Variants in ZFC3H1 observed in about 807,000 individuals in gnomAD.
ZFC3H1 encodes the protein zinc finger C3H1-type containing.
ZFC3H1 carries 71 observed loss-of-function variants against 243.7 expected under a neutral mutation model. The observed-to-expected ratio is 0.29, with a 90% confidence interval of 0.24 to 0.36. The LOEUF is 0.36. ZFC3H1 is among the 10% of genes least tolerant of loss of function. The pLI is 1.00. For synonymous variants in ZFC3H1, 838 were observed against 813.0 expected (o/e 1.03, Z -0.52); for missense variants, 1,966 against 2,317.1 (o/e 0.85, Z 3.11).
intron 11 of ZFC3H1, 100 bp from the exon 12 acceptor site, chr12:71,634,404 C>A: frequency 2.3e-6 from 3 of 1,309,270 alleles, no homozygotes; most frequent in African/African-American, 1.5e-5. Flanking sequence ...TTAATCACAC[C>A]GACTAATAAT....
chr12:71,632,636 G>A, intron 14 of ZFC3H1, 122 bp from the exon 15 acceptor site: 1 of 1,304,430 alleles, frequency 7.7e-7, no homozygotes, highest in Non-Finnish European at 1.0e-6. Context: ...TCAATATGGA[G>A]AATAAAACAG....
At chr12:71,615,164 G>T in intron 28 of ZFC3H1, 42 bp downstream of exon 28, 1 of 1,442,650 alleles carries the variant, frequency 6.9e-7, no homozygotes, top group Non-Finnish European at 9.6e-7. Context: ...AATAGCAAAT[G>T]CAGGCCTAGT....
chr12:71,626,498 T>C (rs1466623017), intron 21 of ZFC3H1, 52 bp from the exon 22 acceptor site: 2 of 1,484,136 alleles, frequency 1.3e-6, no homozygotes, highest in African/African-American at 2.8e-5. Context: ...TGCTTGAAAA[T>C]TTAAATAGGG....
At chr12:71,649,504 T>C (rs574617204) in intron 2 of ZFC3H1, among the ~76,000 whole-genome samples, 6 of 152,342 alleles carry the variant, frequency 3.9e-5, no homozygotes, top group African/African-American at 1.4e-4. Flanking sequence ...TTTTCATTTA[T>C]TCCTATCTTT....
At chr12:71,646,116 A>T (rs1297102013) in intron 3 of ZFC3H1, among the ~76,000 whole-genome samples, 3 of 152,244 alleles carry the variant, frequency 2.0e-5, no homozygotes, top group African/African-American at 7.2e-5. Context: ...CATAAAGAAA[A>T]CAGTGGATAC....
chr12:71,641,880 T>C (rs1460297463), intron 6 of ZFC3H1, among the ~76,000 whole-genome samples: 1 of 152,190 alleles, frequency 6.6e-6, no homozygotes, highest in Non-Finnish European at 1.5e-5. Context: ...GACAGAATCT[T>C]GCTCTGTCAC....
rs1286801825 is a variant in ZFC3H1 at position 71,610,750 on chromosome 12, C to T, written c.5777G>A (p.Arg1926His). ...IVLKGQREVHRLYQRALQKLP... is the reference protein window; with the variant it reads ...IVLKGQREVHHLYQRALQKLP... The stretch of plus-strand genomic sequence containing the variant: ...CTTCTGTAAGGCTCTCTGATATAAA[C>T]GGTGGACCTGTAAGATAGATATACA... Residue 1926 changes from arginine (R) to histidine (H), a missense_variant, in exon 34 of 35, where the codon CGT becomes CAT. By Grantham distance (29) the Arg-to-His change is conservative. Coordinates refer to ENST00000378743, the MANE Select transcript of ZFC3H1 (RefSeq NM_144982.5). 5.0e-6 allele frequency: 8 copies of T among 1,612,840 alleles called. No individual in the cohort carries two copies. Among genetic ancestry groups the T allele is most frequent in the African/African-American group, 2.7e-5 (2 of 74,854 alleles).
intron 13 of ZFC3H1, 115 bp from the exon 14 acceptor site, chr12:71,633,132 A>G: frequency 7.2e-7 from 1 of 1,393,954 alleles, no homozygotes; most frequent in South Asian, 1.5e-5. Context: ...ATATTCCAAT[A>G]TTATTTCTCA....
Position 71,617,897 on chromosome 12 carries a change from G to A in ZFC3H1, c.5144+1418C>T, listed in dbSNP as rs959745418. On this transcript the variant is annotated intron_variant, in intron 27 of 34. Transcript: ENST00000378743. ...GGCAATAAACTGGCTACCATAAGAGGACATATATAAAGACTCAAGTCTGGG... is the reference window on the plus strand; with the variant it reads ...GGCAATAAACTGGCTACCATAAGAGAACATATATAAAGACTCAAGTCTGGG... 2.0e-5 allele frequency among the ~76,000 whole-genome samples: 3 copies of A among 152,142 alleles called. No homozygotes were observed. The East Asian group carries it at 5.8e-4, about 29-fold the overall frequency.
Position 71,644,011 on chromosome 12 carries a change from C to T in ZFC3H1, c.1503+84G>A, listed in dbSNP as rs1398186215. The T allele has an allele frequency of 4.2e-6, 5 of 1,200,678 alleles. No individual in the cohort carries two copies. In the Admixed American group the frequency reaches 7.9e-5, roughly 19 times the overall value. 74.4% of individuals were successfully genotyped at this position (1,200,678 alleles called of 1,614,324 possible). On this transcript the variant is annotated intron_variant, in intron 5 of 34. Transcript: ENST00000378743. ...TTCCAAGAGTTATTTATAAAATAAA[C>T]TTCCTTATTTGACAGAATCTATGAA...
chr12:71,655,586 A>T (rs959385563), intron 2 of ZFC3H1, among the ~76,000 whole-genome samples: 1 of 152,214 alleles, frequency 6.6e-6, no homozygotes, highest in African/African-American at 2.4e-5. Context: ...AAATAGACAC[A>T]TTACAAAAAA....
intron 32 of ZFC3H1, 102 bp from the exon 33 acceptor site, chr12:71,611,199 G>T: frequency 8.3e-7 from 1 of 1,206,282 alleles, no homozygotes; most frequent in Non-Finnish European, 1.1e-6. Flanking sequence ...TACTGACTGT[G>T]GGAATCTGAG....
chr12:71,656,942 C>T lies in ZFC3H1; in HGVS notation c.958G>A (p.Val320Ile). Residue 320 changes from valine to isoleucine, a missense_variant, in exon 2 of 35, where the codon GTT (valine) becomes ATT (isoleucine). This residue lies in a region of ZFC3H1 where 484 missense variants were observed against 449.7 expected (regional missense o/e 1.08). Coordinates refer to ENST00000378743, the MANE Select transcript of ZFC3H1 (RefSeq NM_144982.5). Reference sequence around the variant, plus strand: ...GAAAGTGGTTTTGCTCCATCTTTAACTTTTTTCAAACGGTTCTTATCTCCT... The same window carrying T: ...GAAAGTGGTTTTGCTCCATCTTTAATTTTTTTCAAACGGTTCTTATCTCCT... Reference protein sequence around the residue: ...LPGDKNRLKKVKDGAKPLSLK... With the variant: ...LPGDKNRLKKIKDGAKPLSLK... 6.2e-7 allele frequency: 1 copy of T among 1,613,688 alleles called. No homozygotes were observed. The highest frequency in any genetic ancestry group is 1.1e-5 in the South Asian group (1 of 91,040).
chr12:71,663,377 A>C lies in ZFC3H1; in HGVS notation c.234T>G (p.Ser78=). ...AGAAATTCCTCAGCTGCTGCTGAGA[A>C]GAGGACGATGACGAGGAAGAGCCAC... ...GGGGSSSSSS[S]SQQQLRNFSR... is the part of the protein sequence containing the mutation. The change falls in exon 1 of 35, where the codon TCT becomes TCG. Residue 78 remains serine (S), a synonymous_variant. Coordinates refer to ENST00000378743, the MANE Select transcript of ZFC3H1 (RefSeq NM_144982.5). 1 of 1,612,832 alleles carries C rather than the reference A, an allele frequency of 6.2e-7. No homozygotes were observed. The highest frequency in any genetic ancestry group is 8.5e-7 in the Non-Finnish European group (1 of 1,180,028).
At position 71,619,369 on chromosome 12, in the gene ZFC3H1, A is replaced by C. The variant is rs1424576729; in HGVS notation, c.5090T>G (p.Ile1697Ser). 6.2e-7 allele frequency: 1 copy of C among 1,613,820 alleles called. No individual in the cohort carries two copies. The highest frequency in any genetic ancestry group is 1.7e-5 in the Admixed American group (1 of 60,004). ...DNLLPFLRKF[I>S]ASFFKPGFEK... ...AAACCCCGGTTTAAAGAAGGATGCAATAAATTTCCGCAAAAATGGAAGAAG... is the reference window on the plus strand; with the variant it reads ...AAACCCCGGTTTAAAGAAGGATGCACTAAATTTCCGCAAAAATGGAAGAAG... The change falls in exon 27 of 35, where the codon ATT becomes AGT. Residue 1697 changes from isoleucine to serine, a missense_variant. Around this residue, in one of 4 missense-constraint regions of ZFC3H1, gnomAD observed 1,383 missense variants for 1,723.7 expected, o/e 0.80. Coordinates refer to ENST00000378743, the MANE Select transcript of ZFC3H1 (RefSeq NM_144982.5).
At position 71,614,516 on chromosome 12, in the gene ZFC3H1, A is replaced by G. The variant is rs746160553; in HGVS notation, c.5526+19T>C. On this transcript the variant is annotated intron_variant, in intron 30 of 34. Transcript: ENST00000378743. Reference sequence around the variant, plus strand: ...TTGTTTTACACAAATATCTAAAGAAAAAAGTTTTGAGTTCTTACCCTATTA... The same window carrying G: ...TTGTTTTACACAAATATCTAAAGAAGAAAGTTTTGAGTTCTTACCCTATTA... The G allele has an allele frequency of 3.9e-6, 6 of 1,538,726 alleles. No individual in the cohort carries two copies. The highest frequency in any genetic ancestry group is 5.2e-6 in the Non-Finnish European group (6 of 1,148,510).
At position 71,632,197 on chromosome 12, in the gene ZFC3H1, T is replaced by C; in HGVS notation, c.3135A>G (p.Arg1045=). ...TAAAATAATTGGATTCTAAAAAAGA[T>C]CTTCTTCGCTCTCTGCTTGAACCAG... is the stretch of plus-strand genomic sequence containing the variant. The part of the protein sequence containing the change: ...ILSGSSRERR[R]SFLESNYFTK... Residue 1045 remains arginine (R), a synonymous_variant, in exon 15 of 35, where the codon AGA becomes AGG. Transcript: ENST00000378743. 6.2e-7 allele frequency: 1 copy of C among 1,605,292 alleles called. No individual in the cohort carries two copies. Among genetic ancestry groups the C allele is most frequent in the South Asian group, 1.1e-5 (1 of 89,904 alleles).
At chr12:71,647,423 C>G (rs951789307) in intron 3 of ZFC3H1, among the ~76,000 whole-genome samples, 3 of 151,982 alleles carry the variant, frequency 2.0e-5, no homozygotes, top group African/African-American at 7.3e-5. Context: ...TACCTTACTC[C>G]AAAAGCTTAC....
intron 23 of ZFC3H1, 56 bp downstream of exon 23, chr12:71,624,048 T>C (rs1592587406): frequency 1.3e-6 from 2 of 1,514,552 alleles, no homozygotes; most frequent in Non-Finnish European, 8.9e-7. Flanking sequence ...GATAACGGTG[T>C]AGACCTTTTA....
Sources: allele counts gnomAD v4.1 joint callset (sites outside exome capture counted in the v4.1 genomes callset), GRCh38; gene constraint gnomAD v4.1.1; regional missense constraint gnomAD v4.1.1; transcripts MANE v1.5; gene names NCBI Gene and HGNC (gene_info 2026-07-23, HGNC 2026-07-21).